Variants in MRPS5 observed in about 807,000 individuals in gnomAD.
The protein encoded by MRPS5 is mitochondrial ribosomal protein S5.
MRPS5 carries 27 observed loss-of-function variants against 51.9 expected under a neutral mutation model. The ratio of observed to expected loss-of-function variants is 0.52; its 90% confidence interval spans 0.38 to 0.72. MRPS5 has a LOEUF of 0.72. Among genes scored for constraint, MRPS5 ranks in the 30% least tolerant of loss-of-function variants. MRPS5 has a pLI of 0.00. For synonymous variants in MRPS5, 196 were observed against 193.2 expected (o/e 1.01, Z -0.12); for missense variants, 570 against 545.7 (o/e 1.04, Z -0.44).
intron 1 of MRPS5, 51 bp from the exon 2 acceptor site, chr2:95,117,996 C>A: frequency 1.5e-6 from 2 of 1,370,516 alleles, no homozygotes; most frequent in South Asian, 1.2e-5. Flanking sequence ...ATTAAAGGAA[C>A]ATTTTAAACA....
chr2:95,089,112 C>A (rs1288247776), intron 11 of MRPS5, among the ~76,000 whole-genome samples: 1 of 152,026 alleles, frequency 6.6e-6, no homozygotes, highest in Non-Finnish European at 1.5e-5. Context: ...CAGAACAAGT[C>A]TACTGGATCA....
rs571330512 is a variant in MRPS5, at chr2:95,103,100, C to T, written c.764-1377G>A. Among the ~76,000 whole-genome samples, 150 of 152,178 alleles carry T rather than the reference C, an allele frequency of 9.9e-4. 1 individual carries two copies. Among genetic ancestry groups the T allele is most frequent in the Non-Finnish European group, 2.0e-3 (133 of 67,998 alleles). On this transcript the variant is annotated intron_variant, in intron 7 of 11. Coordinates refer to ENST00000272418, the MANE Select transcript of MRPS5 (RefSeq NM_031902.5). ...AGGCTTTCTAAGCAAGACACAAACC[C>T]GAAGTGATAACTAATATTTATAACC... is the stretch of plus-strand genomic sequence containing the variant.
Position 95,085,677 on chromosome 2 carries a change from C to G in MRPS5, c.*1680G>C, listed in dbSNP as rs1325294750. On this transcript the variant is annotated 3_prime_UTR_variant, in exon 12 of 12. Coordinates refer to ENST00000272418, the MANE Select transcript of MRPS5 (RefSeq NM_031902.5). ...TCCCGAGGACAGCGACAGGAGGAAA[C>G]CTGGATCTCCATCCTCACCAGGCAG... Among the ~76,000 whole-genome samples, 1 of 152,110 alleles carries G rather than the reference C, an allele frequency of 6.6e-6. No individual in the cohort carries two copies. The highest frequency in any genetic ancestry group is 1.5e-5 in the Non-Finnish European group (1 of 68,022).
At chr2:95,104,045 C>T (rs1675876829) in intron 7 of MRPS5, 1 of 152,582 alleles carries the variant, frequency 6.6e-6, no homozygotes, top group South Asian at 2.1e-4. Flanking sequence ...ATTTCAAAAA[C>T]AGGTGTCCAC....
intron 2 of MRPS5, 74 bp from the exon 3 acceptor site, chr2:95,115,277 C>A: frequency 7.7e-7 from 1 of 1,293,192 alleles, no homozygotes; most frequent in South Asian, 2.1e-5. Context: ...ATCAAATAAT[C>A]ATTACTAACA....
At chr2:95,097,976 T>C (rs1210272078) in intron 10 of MRPS5, among the ~76,000 whole-genome samples, 1 of 152,200 alleles carries the variant, frequency 6.6e-6, no homozygotes, top group East Asian at 1.9e-4. Flanking sequence ...ATCCAGCATC[T>C]ACAAAGAACT....
intron 4 of MRPS5, among the ~76,000 whole-genome samples, chr2:95,108,642 C>T (rs1042981363): frequency 2.0e-5 from 3 of 152,124 alleles, no homozygotes; most frequent in South Asian, 2.1e-4. Context: ...TGGACAAGGA[C>T]GTCCACTGAA....
rs567395038 is a variant in MRPS5, at chr2:95,119,782, T to C, written c.59-1837A>G. ...CAGTTCCTTGACACCTAAACATACATGTCACATGTATGGCTCACACCTATA... is the reference window on the plus strand; with the variant it reads ...CAGTTCCTTGACACCTAAACATACACGTCACATGTATGGCTCACACCTATA... On this transcript the variant is annotated intron_variant, in intron 1 of 11. Transcript: ENST00000272418. 3.3e-5 allele frequency among the ~76,000 whole-genome samples: 5 copies of C among 151,598 alleles called. No individual in the cohort carries two copies. The South Asian group carries it at 8.3e-4, about 25-fold the overall frequency.
intron 10 of MRPS5, 189 bp from the exon 11 acceptor site, chr2:95,090,711 A>G: frequency 1.7e-6 from 1 of 588,880 alleles, no homozygotes; most frequent in South Asian, 2.1e-5. Flanking sequence ...CTCAAACAGG[A>G]TACTACAAGG....
intron 7 of MRPS5, chr2:95,104,299 TAC>T (rs1675885480): frequency 3.6e-6 from 1 of 277,774 alleles, no homozygotes; most frequent in East Asian, 8.3e-5. Flanking sequence ...TACAGAATAT[TAC>T]AGTGTATGGC....
In MRPS5 at chr2:95,115,155, A is replaced by G. The variant is rs1238157091; in HGVS notation, c.188T>C (p.Leu63Ser). The change falls in exon 3 of 12, where the codon TTG becomes TCG. Residue 63 changes from leucine (L) to serine (S), a missense_variant. Transcript: ENST00000272418. ...GCATTGTGTCTGCAGTGCACGGCTC[A>G]AGCTGGCGTAGGGATGGGTGTCTCT... ...GTRDTHPYAS[L>S]SRALQTQCCI... 6.2e-7 allele frequency: 1 copy of G among 1,611,942 alleles called. No homozygotes were observed. Among genetic ancestry groups the G allele is most frequent in the Non-Finnish European group, 8.5e-7 (1 of 1,179,554 alleles).
chr2:95,112,033 A>G (rs1676134751), intron 3 of MRPS5, among the ~76,000 whole-genome samples: 1 of 152,146 alleles, frequency 6.6e-6, no homozygotes, highest in African/African-American at 2.4e-5. Flanking sequence ...AGGTTAATAT[A>G]TACACCTATT....
rs960011934 is a variant in MRPS5 at position 95,121,773 on chromosome 2, C to G, written c.19G>C (p.Ala7Pro). MATAVR[A>P]VGCLPVLCSG... ...CACAGCACGGGGAGGCAGCCCACAG[C>G]GCGCACCGCGGTCGCCATGCTGGAG... Residue 7 changes from alanine to proline, a missense_variant, in exon 1 of 12, where the codon GCT becomes CCT. Ala to Pro is a conservative substitution (Grantham distance 27, BLOSUM62 -1). Transcript: ENST00000272418. 5.2e-6 allele frequency: 8 copies of G among 1,552,472 alleles called. No individual in the cohort carries two copies. Among genetic ancestry groups the G allele is most frequent in the African/African-American group, 2.8e-5 (2 of 71,688 alleles).
At chr2:95,090,876 T>C (rs1019472879) in intron 10 of MRPS5, 2 of 210,676 alleles carry the variant, frequency 9.5e-6, no homozygotes, top group Admixed American at 5.1e-5. Context: ...CCCTCCTTGA[T>C]AGTTCCGTTG....
intron 10 of MRPS5, among the ~76,000 whole-genome samples, chr2:95,098,399 A>G (rs1342042002): frequency 1.3e-5 from 2 of 152,252 alleles, no homozygotes; most frequent in Non-Finnish European, 2.9e-5. Context: ...ACATATGTTT[A>G]TTGCGGCACT....
At chr2:95,107,655 GACAAGA>G (rs1675989913) in intron 5 of MRPS5, among the ~76,000 whole-genome samples, 1 of 152,122 alleles carries the variant, frequency 6.6e-6, no homozygotes, top group Non-Finnish European at 1.5e-5. Flanking sequence ...CCCACTCATT[GACAAGA>G]ACACATCTCT....
intron 3 of MRPS5, among the ~76,000 whole-genome samples, chr2:95,112,249 G>C (rs1186688531): frequency 1.3e-5 from 2 of 152,018 alleles, no homozygotes; most frequent in Non-Finnish European, 2.9e-5. Flanking sequence ...ATTTTTAGTA[G>C]AGACGGGGTT....
chr2:95,116,280 T>C (rs1676283733), intron 2 of MRPS5, among the ~76,000 whole-genome samples: 1 of 151,388 alleles, frequency 6.6e-6, no homozygotes, highest in African/African-American at 2.4e-5. Context: ...AATATTTAAT[T>C]ATTAACTTAA....
At chr2:95,097,502 T>C (rs1444548482) in intron 10 of MRPS5, among the ~76,000 whole-genome samples, 1 of 152,090 alleles carries the variant, frequency 6.6e-6, no homozygotes, top group Non-Finnish European at 1.5e-5. Context: ...AAAACAGAGA[T>C]ATAGACCAAT....
Sources: allele counts gnomAD v4.1 joint callset (sites outside exome capture counted in the v4.1 genomes callset), GRCh38; gene constraint gnomAD v4.1.1; transcripts MANE v1.5; gene names NCBI Gene and HGNC (gene_info 2026-07-23, HGNC 2026-07-21).